MGST3: variants seen among roughly 807,000 people sequenced by gnomAD.
MGST3 encodes microsomal glutathione S-transferase 3.
A neutral mutation model predicts 15.8 loss-of-function variants in MGST3; 13 were observed. The ratio of observed to expected loss-of-function variants is 0.82; its 90% CI spans 0.54 to 1.31. MGST3 has a LOEUF of 1.31. Ranked by LOEUF, MGST3 falls within the 50% of genes most tolerant of loss-of-function variation. MGST3 has a pLI of 0.00. For missense variants in MGST3, 155 were observed against 192.4 expected, an observed-to-expected ratio of 0.81 and a Z score of 1.15; for synonymous variants, 49 against 68.1, an observed-to-expected ratio of 0.72 and a Z score of 1.38.
chr1:165,632,760 T>G (rs1647988354), intron 1 of MGST3, among the ~76,000 whole-genome samples: 1 of 152,116 alleles, frequency 6.6e-6, no homozygotes, highest in Admixed American at 6.5e-5. Context: ...GATTTCTTCC[T>G]GTTGGCTTAG....
In MGST3 at chr1:165,655,411, C is replaced by T. The variant is rs777389482; in HGVS notation, c.366C>T (p.Leu122=). Reference sequence around the variant, plus strand: ...GAGGAGCCCTGGGGTCCATCGCCCTCCTGGGCTTGGTGGGCACAACTGTGT... The same window carrying T: ...GAGGAGCCCTGGGGTCCATCGCCCTTCTGGGCTTGGTGGGCACAACTGTGT... ...RSRGALGSIA[L]LGLVGTTVCS... The change falls in exon 6 of 6, where the codon CTC becomes CTT. Residue 122 remains leucine, a synonymous_variant. Coordinates refer to ENST00000367889, the MANE Select transcript of MGST3 (RefSeq NM_004528.4). 1.5e-5 allele frequency: 24 copies of T among 1,613,970 alleles called. No individual in the cohort carries two copies. The highest frequency in any genetic ancestry group is 4.5e-5 in the East Asian group (2 of 44,892).
chr1:165,655,628 C>A lies in MGST3; in HGVS notation c.*124C>A. The A allele has an allele frequency of 8.7e-7, 1 of 1,146,222 alleles. No homozygotes were observed. The allele number at this position is 1,146,222 out of a possible 1,614,324, so 71.0% of individuals were successfully genotyped here. A position where few individuals can be genotyped will look rare whatever the true frequency, so the allele number is the denominator to read the frequency against. ...TCAGCCTCATACCTAAAACTCCTGA[C>A]TCTTACCACTCATTTCCGTTTGAGT... On this transcript the variant is annotated 3_prime_UTR_variant, in exon 6 of 6. Coordinates refer to ENST00000367889, the MANE Select transcript of MGST3 (RefSeq NM_004528.4).
At chr1:165,641,734 G>A (rs1648271444) in intron 1 of MGST3, among the ~76,000 whole-genome samples, 1 of 152,200 alleles carries the variant, frequency 6.6e-6, no homozygotes, top group Non-Finnish European at 1.5e-5. Context: ...CAGGGGCTAT[G>A]TATGAATACA....
chr1:165,633,585 A>G (rs1317336554), intron 1 of MGST3, among the ~76,000 whole-genome samples: 1 of 152,208 alleles, frequency 6.6e-6, no homozygotes, highest in African/African-American at 2.4e-5. Flanking sequence ...TTCTAAGTGT[A>G]GACAGGCATG....
chr1:165,651,539 C>G lies in MGST3; in HGVS notation c.192-439C>G, dbSNP rs1571156092. On this transcript the variant is annotated intron_variant, in intron 3 of 5. Transcript: ENST00000367889. ...GCAAAGGAGGGTGGATGATAGTGAC[C>G]AGGTCTTCTCCCTGCGGTGAATGTT... 5 of 303,844 alleles carry G rather than the reference C, an allele frequency of 1.6e-5. No homozygotes were observed. In the East Asian group the frequency reaches 4.3e-4, roughly 26 times the overall value. The allele number at this position is 303,844 out of a possible 1,614,324, so 18.8% of individuals were successfully genotyped here.
intron 3 of MGST3, 89 bp downstream of exon 3, chr1:165,651,176 T>C: frequency 1.9e-6 from 2 of 1,066,912 alleles, no homozygotes; most frequent in Non-Finnish European, 2.9e-6. Context: ...CTGTATTTGC[T>C]GAGTCATAGT....
intron 5 of MGST3, 118 bp from the exon 6 acceptor site, chr1:165,655,250 C>A: frequency 7.5e-7 from 1 of 1,339,300 alleles, no homozygotes. Flanking sequence ...AGTTAACCTC[C>A]TAAGGCCAGT....
chr1:165,655,868 T>C lies in MGST3; in HGVS notation c.*364T>C. ...ATGCATTATCACTTGCTACAGATAC[T>C]CCAAGGCCAAAGGAATGCTTGAGCC... On this transcript the variant is annotated 3_prime_UTR_variant, in exon 6 of 6. Coordinates refer to ENST00000367889, the MANE Select transcript of MGST3 (RefSeq NM_004528.4). The C allele has an allele frequency of 3.8e-6, 1 of 265,408 alleles. No individual in the cohort carries two copies. The highest frequency in any genetic ancestry group is 7.4e-6 in the Non-Finnish European group (1 of 135,868). 16.4% of individuals were successfully genotyped at this position (265,408 alleles called of 1,614,324 possible). A position where few individuals can be genotyped will look rare whatever the true frequency, so the allele number is the denominator to read the frequency against.
intron 1 of MGST3, chr1:165,646,229 G>C (rs1402302914): frequency 6.6e-6 from 1 of 152,238 alleles, no homozygotes; most frequent in African/African-American, 2.4e-5. Context: ...CTAGGGTGTG[G>C]CCACTGTGAA....
rs9333435 is a variant in MGST3, at chr1:165,642,332, A to G, written c.-7-7509A>G. 9.8e-3 allele frequency among the ~76,000 whole-genome samples: 1,500 copies of G among 152,320 alleles called. 52 individuals are homozygous for G. Among genetic ancestry groups the G allele is most frequent in the Admixed American group, 0.059 (906 of 15,302 alleles). Reference sequence around the variant, plus strand: ...CTGAGCAGTGTCTGGCTGCAGCAAGAGTTTGAATGACTGCAGCTTCCGGAT... The same window carrying G: ...CTGAGCAGTGTCTGGCTGCAGCAAGGGTTTGAATGACTGCAGCTTCCGGAT... On this transcript the variant is annotated intron_variant, in intron 1 of 5. Transcript: ENST00000367889.
rs1157240571 is a variant in MGST3 at position 165,654,160 on chromosome 1, G to T, written c.250-119G>T. Reference sequence around the variant, plus strand: ...TTCTACCTAATTTGCGTGGGGAGTAGTTGGCCAAATCATCAAATTGTTAAC... The same window carrying T: ...TTCTACCTAATTTGCGTGGGGAGTATTTGGCCAAATCATCAAATTGTTAAC... On this transcript the variant is annotated intron_variant, in intron 4 of 5. Coordinates refer to ENST00000367889, the MANE Select transcript of MGST3 (RefSeq NM_004528.4). The T allele has an allele frequency of 4.3e-6, 4 of 936,570 alleles. No homozygotes were observed. The East Asian group carries it at 9.8e-5, about 23-fold the overall frequency. 58.0% of individuals were successfully genotyped at this position (936,570 alleles called of 1,614,324 possible). A position where few individuals can be genotyped will look rare whatever the true frequency, so the allele number is the denominator to read the frequency against.
chr1:165,652,124 A>C, intron 4 of MGST3, 89 bp downstream of exon 4: 2 of 950,032 alleles, frequency 2.1e-6, no homozygotes, highest in Non-Finnish European at 3.5e-6. Context: ...CATTTAATGA[A>C]TATCTTCAGT....
chr1:165,635,314 A>T (rs558848751), intron 1 of MGST3, among the ~76,000 whole-genome samples: 1 of 152,350 alleles, frequency 6.6e-6, no homozygotes, highest in Admixed American at 6.5e-5. Flanking sequence ...CTTGTTATAA[A>T]TCTAGTATTC....
At position 165,655,494 on chromosome 1, in the gene MGST3, G is replaced by A; in HGVS notation, c.449G>A (p.Cys150Tyr). The A allele has an allele frequency of 1.2e-6, 2 of 1,613,900 alleles. No homozygotes were observed. Among genetic ancestry groups the A allele is most frequent in the Non-Finnish European group, 1.7e-6 (2 of 1,179,962 alleles). Reference protein sequence around the residue: ...VKSGLGSGPKCCH With the variant: ...VKSGLGSGPKYCH ...AGTGGCTTGGGCAGTGGACCCAAAT[G>A]CTGCCATTAAAGAATTATAGGGGTT... Residue 150 changes from cysteine (C) to tyrosine (Y), a missense_variant, in exon 6 of 6, where the codon TGC (cysteine) becomes TAC (tyrosine). Physicochemically the swap from Cys to Tyr is radical, Grantham distance 194 (BLOSUM62 -2). Coordinates refer to ENST00000367889, the MANE Select transcript of MGST3 (RefSeq NM_004528.4).
intron 1 of MGST3, among the ~76,000 whole-genome samples, chr1:165,634,355 G>C (rs1184720159): frequency 6.6e-6 from 1 of 152,056 alleles, no homozygotes; most frequent in Admixed American, 6.5e-5. Context: ...CTGCAAAATG[G>C]GAGTAATATC....
Position 165,655,412 on chromosome 1 carries a change from C to T in MGST3, c.367C>T (p.Leu123=). Residue 123 remains leucine, a synonymous_variant, in exon 6 of 6, where the codon CTG becomes TTG. Transcript: ENST00000367889. ...SRGALGSIAL[L]GLVGTTVCSA... ...AGGAGCCCTGGGGTCCATCGCCCTC[C>T]TGGGCTTGGTGGGCACAACTGTGTG... 6.2e-7 allele frequency: 1 copy of T among 1,614,106 alleles called. No homozygotes were observed. The highest frequency in any genetic ancestry group is 8.5e-7 in the Non-Finnish European group (1 of 1,180,006).
chr1:165,641,073 C>T (rs899446307), intron 1 of MGST3, among the ~76,000 whole-genome samples: 13 of 152,120 alleles, frequency 8.5e-5, no homozygotes, highest in Non-Finnish European at 1.5e-5. Context: ...ATCCCTGCTA[C>T]TCGGGAGGCT....
At chr1:165,632,577 C>T (rs1254501635) in intron 1 of MGST3, among the ~76,000 whole-genome samples, 1 of 152,148 alleles carries the variant, frequency 6.6e-6, no homozygotes, top group African/African-American at 2.4e-5. Context: ...CGTTAAGCTT[C>T]CCTCCTGACA....
Position 165,655,640 on chromosome 1 carries a change from A to G in MGST3, c.*136A>G. The G allele has an allele frequency of 9.3e-7, 1 of 1,073,488 alleles. No homozygotes were observed. The highest frequency in any genetic ancestry group is 1.6e-5 in the African/African-American group (1 of 62,474). The allele number at this position is 1,073,488 out of a possible 1,614,324, so 66.5% of individuals were successfully genotyped here. Reference sequence around the variant, plus strand: ...CTAAAACTCCTGACTCTTACCACTCATTTCCGTTTGAGTCTGTATCTGAAA... The same window carrying G: ...CTAAAACTCCTGACTCTTACCACTCGTTTCCGTTTGAGTCTGTATCTGAAA... On this transcript the variant is annotated 3_prime_UTR_variant, in exon 6 of 6. Transcript: ENST00000367889.
Sources: gnomAD v4.1 joint callset for allele counts (sites outside exome capture counted in the v4.1 genomes callset) on GRCh38, gnomAD v4.1.1 for gene constraint, MANE v1.5 for transcripts, NCBI Gene and HGNC (gene_info 2026-07-23, HGNC 2026-07-21) for gene names.